The following PTPRD variants were observed in gnomAD, a reference collection of about 807,000 sequenced individuals.
PTPRD encodes the protein receptor-type tyrosine-protein phosphatase delta.
Under a neutral mutation model 214.5 loss-of-function variants are expected in PTPRD, and 34 were observed. The observed-to-expected ratio is 0.16, with a 90% CI of 0.12 to 0.21. The LOEUF (loss-of-function observed/expected upper bound fraction) is 0.21, where lower values mean the gene tolerates loss of function less well. Ranked by LOEUF, PTPRD falls within the 10% of genes least tolerant of loss-of-function variation. The pLI, the probability that PTPRD is intolerant of heterozygous loss-of-function variation, is 1.00. For synonymous variants in PTPRD, 1,128 were observed against 845.7 expected (o/e 1.33, Z -5.79); for missense variants, 2,545 against 2,398.7 (o/e 1.06, Z -1.27).
intron 9 of PTPRD, among the ~76,000 whole-genome samples, chr9:9,213,728 G>C (rs1056559616): frequency 6.6e-6 from 1 of 152,110 alleles, no homozygotes; most frequent in Non-Finnish European, 1.5e-5. Flanking sequence ...ACTTTCATGT[G>C]AGATGAAAGT....
intron 5 of PTPRD, among the ~76,000 whole-genome samples, chr9:9,832,299 C>A (rs1024665989): frequency 2.0e-5 from 3 of 151,788 alleles, no homozygotes. Flanking sequence ...GCATAGCAGG[C>A]AACACAGCCT....
chr9:8,423,990 A>C (rs2094513504), intron 35 of PTPRD, among the ~76,000 whole-genome samples: 1 of 152,146 alleles, frequency 6.6e-6, no homozygotes, highest in Non-Finnish European at 1.5e-5. Flanking sequence ...TTCAGATATA[A>C]ACTATAATCC....
intron 8 of PTPRD, among the ~76,000 whole-genome samples, chr9:9,548,990 T>C (rs1300536465): frequency 6.6e-6 from 1 of 152,100 alleles, no homozygotes; most frequent in Non-Finnish European, 1.5e-5. Context: ...TGACCAACCT[T>C]CTCAAACAAT....
intron 11 of PTPRD, among the ~76,000 whole-genome samples, chr9:8,746,405 T>C (rs1230092193): frequency 6.6e-6 from 1 of 152,200 alleles, no homozygotes; most frequent in Non-Finnish European, 1.5e-5. Context: ...CCAAGATGTA[T>C]CAGAGTGGCA....
chr9:9,779,584 C>T (rs1454665261), intron 5 of PTPRD, among the ~76,000 whole-genome samples: 1 of 152,002 alleles, frequency 6.6e-6, no homozygotes, highest in African/African-American at 2.4e-5. Context: ...AAACAGGCAG[C>T]CAAGAAACAT....
intron 4 of PTPRD, among the ~76,000 whole-genome samples, chr9:9,968,511 G>A (rs921675455): frequency 6.6e-6 from 1 of 152,116 alleles, no homozygotes; most frequent in Admixed American, 6.5e-5. Flanking sequence ...AGAGCAACTA[G>A]TCAATAATCT....
chr9:9,006,093 G>A (rs964673610), intron 11 of PTPRD, among the ~76,000 whole-genome samples: 29 of 151,868 alleles, frequency 1.9e-4, no homozygotes, highest in African/African-American at 6.5e-4. Flanking sequence ...CTGTTGTCTG[G>A]TTTAGAATGA....
chr9:10,004,559 A>G (rs1267666567), intron 4 of PTPRD, among the ~76,000 whole-genome samples: 2 of 151,962 alleles, frequency 1.3e-5, no homozygotes, highest in Non-Finnish European at 2.9e-5. Flanking sequence ...TAAGCCACAT[A>G]TTATACAATA....
chr9:9,452,453 G>A (rs2092372209), intron 8 of PTPRD, among the ~76,000 whole-genome samples: 2 of 151,394 alleles, frequency 1.3e-5, no homozygotes, highest in African/African-American at 4.8e-5. Context: ...ACTGGTGAAT[G>A]TATGGGTATA....
intron 3 of PTPRD, among the ~76,000 whole-genome samples, chr9:10,283,541 A>G (rs1449389878): frequency 1.3e-5 from 2 of 152,128 alleles, no homozygotes; most frequent in South Asian, 2.1e-4. Context: ...TATTATGTCT[A>G]TTGGTCTTGT....
intron 9 of PTPRD, among the ~76,000 whole-genome samples, chr9:9,257,158 G>C (rs188279842): frequency 3.9e-4 from 60 of 151,968 alleles, no homozygotes; most frequent in Middle Eastern, 3.4e-3. Context: ...CCTCTTTTGT[G>C]GGGGGTAGAA....
intron 14 of PTPRD, among the ~76,000 whole-genome samples, chr9:8,576,571 C>A (rs2092386018): frequency 6.8e-6 from 1 of 147,570 alleles, no homozygotes; most frequent in African/African-American, 2.5e-5. Flanking sequence ...CATATATACA[C>A]CCACATACAT....
intron 2 of PTPRD, among the ~76,000 whole-genome samples, chr9:10,499,261 T>C (rs970221993): frequency 1.3e-5 from 2 of 151,958 alleles, no homozygotes; most frequent in Admixed American, 6.6e-5. Context: ...CTCCCACTTA[T>C]GTGTGAGAAC....
At chr9:8,876,868 T>C (rs2154213391) in intron 11 of PTPRD, among the ~76,000 whole-genome samples, 1 of 152,274 alleles carries the variant, frequency 6.6e-6, no homozygotes, top group South Asian at 2.1e-4. Context: ...GTTTCAAATG[T>C]GTCCTTTAAA....
chr9:8,765,036 T>C (rs1377430051), intron 11 of PTPRD, among the ~76,000 whole-genome samples: 1 of 152,064 alleles, frequency 6.6e-6, no homozygotes, highest in East Asian at 1.9e-4. Flanking sequence ...TTTATTTCAG[T>C]TGTGTGATTA....
chr9:8,640,561 C>CAAAAAA (rs201282830), intron 12 of PTPRD, among the ~76,000 whole-genome samples: 15 of 105,422 alleles, frequency 1.4e-4, no homozygotes, highest in African/African-American at 3.2e-4. Flanking sequence ...AACAAAAAAA[C>CAAAAAA]AAAAAAAAAA....
chr9:9,534,261 T>A (rs186731677), intron 8 of PTPRD, among the ~76,000 whole-genome samples: 27 of 152,220 alleles, frequency 1.8e-4, no homozygotes, highest in Non-Finnish European at 1.5e-5. Flanking sequence ...CTGTTTGACA[T>A]TTTAAGAGTA....
In PTPRD at chr9:8,868,011, G is replaced by A. The variant is rs982388342; in HGVS notation, c.-103-134065C>T. Among the ~76,000 whole-genome samples, 7 of 152,198 alleles carry A rather than the reference G, an allele frequency of 4.6e-5. No homozygotes were observed. The East Asian group carries it at 1.4e-3, about 29-fold the overall frequency. On this transcript the variant is annotated intron_variant, in intron 11 of 45. Coordinates refer to ENST00000381196, the MANE Select transcript of PTPRD (RefSeq NM_002839.4). ...AATATATTCTATCATATTGTCTACA[G>A]GGAGCATACTTGTATTTATCAGATC...
At chr9:10,473,459 T>A (rs985986534) in intron 2 of PTPRD, among the ~76,000 whole-genome samples, 2 of 152,096 alleles carry the variant, frequency 1.3e-5, no homozygotes, top group African/African-American at 4.8e-5. Context: ...AGATAATCTA[T>A]CAATCTCATA....
Sources: allele counts gnomAD v4.1 joint callset (sites outside exome capture counted in the v4.1 genomes callset), GRCh38; gene constraint gnomAD v4.1.1; transcripts MANE v1.5; gene names NCBI Gene and HGNC (gene_info 2026-07-23, HGNC 2026-07-21).